ZFAT: variants seen among roughly 807,000 people sequenced by gnomAD.
ZFAT encodes the protein zinc finger protein ZFAT.
A neutral mutation model predicts 117.7 loss-of-function variants in ZFAT; 64 were observed. The ratio of observed to expected loss-of-function variants is 0.54; its 90% CI spans 0.44 to 0.67. The LOEUF is 0.67. Ranked by LOEUF, ZFAT falls within the 30% of genes least tolerant of loss-of-function variation. The pLI, the probability that ZFAT is intolerant of heterozygous loss-of-function variation, is 0.00. For missense variants in ZFAT, 1,433 were observed against 1,584.5 expected (o/e 0.90, Z 1.62); for synonymous variants, 679 against 615.0 (o/e 1.10, Z -1.54).
the ZFAT span, among the ~76,000 whole-genome samples, chr8:134,825,002 C>CT: frequency 6.6e-6 from 1 of 152,206 alleles, no homozygotes; most frequent in African/African-American, 2.4e-5. Context: ...CAATGACCTT[C>CT]TGTCTAAAAG....
chr8:134,659,585 A>G (rs1831827801), intron 1 of ZFAT, among the ~76,000 whole-genome samples: 1 of 152,224 alleles, frequency 6.6e-6, no homozygotes, highest in Non-Finnish European at 1.5e-5. Flanking sequence ...TTGTGCGTGC[A>G]GAACTCACCC....
At chr8:134,707,862 T>A (rs2131367707) in intron 1 of ZFAT, among the ~76,000 whole-genome samples, 1 of 152,368 alleles carries the variant, frequency 6.6e-6, no homozygotes, top group South Asian at 2.1e-4. Flanking sequence ...CTCAAAAGAT[T>A]TGAAACCAGT....
chr8:134,722,012 C>T, the ZFAT span, among the ~76,000 whole-genome samples: 5 of 152,216 alleles, frequency 3.3e-5, no homozygotes, highest in African/African-American at 1.2e-4. Context: ...GCATTTATGG[C>T]GTGCCCACCA....
intron 13 of ZFAT, among the ~76,000 whole-genome samples, chr8:134,519,682 C>T (rs1181972482): frequency 6.6e-6 from 1 of 152,148 alleles, no homozygotes; most frequent in African/African-American, 2.4e-5. Flanking sequence ...TCTGCTTTGT[C>T]TGGTCTAGCC....
intron 11 of ZFAT, among the ~76,000 whole-genome samples, chr8:134,550,317 A>AAAAAAAG: frequency 6.8e-6 from 1 of 147,186 alleles, no homozygotes; most frequent in Non-Finnish European, 1.5e-5. Flanking sequence ...ACGGAAAAAA[A>AAAAAAAG]AAAAAAAAAA....
chr8:134,602,534 C>T lies in ZFAT; in HGVS notation c.1185G>A (p.Thr395=), dbSNP rs532913092. 67 of 1,614,022 alleles carry T rather than the reference C, an allele frequency of 4.2e-5. No homozygotes were observed. The African/African-American group carries it at 5.7e-4, about 14-fold the overall frequency. The change falls in exon 6 of 16, where the codon ACG becomes ACA. Residue 395 remains threonine, a synonymous_variant. Coordinates refer to ENST00000377838, the MANE Select transcript of ZFAT (RefSeq NM_020863.4). ...KEALDELCLM[T]REGKRQLLYD... is the part of the protein sequence containing the mutation. Reference sequence around the variant, plus strand: ...AGAGCAGCTGCCGCTTGCCCTCCCTCGTCATCAGGCAGAGCTCGTCCAAGG... The same window carrying T: ...AGAGCAGCTGCCGCTTGCCCTCCCTTGTCATCAGGCAGAGCTCGTCCAAGG...
At chr8:134,827,583 C>T in the ZFAT span, among the ~76,000 whole-genome samples, 1 of 151,972 alleles carries the variant, frequency 6.6e-6, no homozygotes, top group African/African-American at 2.4e-5. Context: ...GCCTGGCCAA[C>T]ATGGTGAAAT....
At chr8:134,720,300 G>A in the ZFAT span, among the ~76,000 whole-genome samples, 2 of 152,234 alleles carry the variant, frequency 1.3e-5, no homozygotes, top group Non-Finnish European at 2.9e-5. Context: ...AAGCCACTAA[G>A]TGTGGGAGTA....
At chr8:134,746,326 T>C in the ZFAT span, among the ~76,000 whole-genome samples, 29 of 152,306 alleles carry the variant, frequency 1.9e-4, no homozygotes, top group Non-Finnish European at 2.9e-4. Context: ...TGATTTATCA[T>C]TTTCTGCTGA....
chr8:134,502,460 C>A (rs1798572770), intron 15 of ZFAT, among the ~76,000 whole-genome samples: 1 of 152,218 alleles, frequency 6.6e-6, no homozygotes, highest in African/African-American at 2.4e-5. Context: ...CAATGAACTG[C>A]AAATAACAAA....
chr8:134,779,064 T>A, the ZFAT span, among the ~76,000 whole-genome samples: 4 of 152,146 alleles, frequency 2.6e-5, no homozygotes, highest in Admixed American at 2.0e-4. Flanking sequence ...GGTTCCACTA[T>A]AAGAAATATT....
chr8:134,542,598 C>A (rs1407012825), intron 11 of ZFAT, among the ~76,000 whole-genome samples: 1 of 152,224 alleles, frequency 6.6e-6, no homozygotes, highest in Non-Finnish European at 1.5e-5. Context: ...TGGCCTCCAG[C>A]TTGATCCATG....
intron 1 of ZFAT, among the ~76,000 whole-genome samples, chr8:134,696,231 A>C (rs577181062): frequency 1.4e-4 from 21 of 152,178 alleles, no homozygotes; most frequent in African/African-American, 5.1e-4. Context: ...ATCTCTAAGC[A>C]AGGAGGCTCC....
At chr8:134,503,945 CGA>C (rs1563783047) in intron 15 of ZFAT, among the ~76,000 whole-genome samples, 6 of 142,148 alleles carry the variant, frequency 4.2e-5, no homozygotes, top group East Asian at 2.3e-4. Context: ...CACACGCACA[CGA>C]ACACACACAC....
At chr8:134,716,573 A>G (rs967498959), upstream of ZFAT, among the ~76,000 whole-genome samples, 1 of 152,180 alleles carries the variant, frequency 6.6e-6, no homozygotes, top group African/African-American at 2.4e-5. Context: ...GAGTAAGGGA[A>G]CATCAGAATG....
chr8:134,827,636 T>G, the ZFAT span, among the ~76,000 whole-genome samples: 1 of 151,604 alleles, frequency 6.6e-6, no homozygotes, highest in Non-Finnish European at 1.5e-5. Flanking sequence ...GGCGTGGTGG[T>G]GGGTGCCTGT....
At chr8:134,813,364 G>C in the ZFAT span, among the ~76,000 whole-genome samples, 1 of 152,188 alleles carries the variant, frequency 6.6e-6, no homozygotes, top group Non-Finnish European at 1.5e-5. Flanking sequence ...TGACCAAAGA[G>C]ACAGATAATA....
chr8:134,652,517 G>A (rs1831308876), intron 2 of ZFAT, among the ~76,000 whole-genome samples: 1 of 152,196 alleles, frequency 6.6e-6, no homozygotes, highest in South Asian at 2.1e-4. Flanking sequence ...ATCATGCATT[G>A]TGAGGTTTAA....
At chr8:134,531,942 T>C (rs1821452218) in intron 12 of ZFAT, among the ~76,000 whole-genome samples, 1 of 152,252 alleles carries the variant, frequency 6.6e-6, no homozygotes. Context: ...CTCTGTTTAC[T>C]GGGGGCAGAT....
Sources: gnomAD v4.1 joint callset for allele counts (sites outside exome capture counted in the v4.1 genomes callset) on GRCh38, gnomAD v4.1.1 for gene constraint, MANE v1.5 for transcripts, NCBI Gene and HGNC (gene_info 2026-07-23, HGNC 2026-07-21) for gene names.